FRY: variants seen among roughly 807,000 people sequenced by gnomAD.
The protein encoded by FRY is protein furry homolog.
In FRY, 128 loss-of-function variants were observed where a neutral mutation model predicts 348.4. That is an observed-to-expected ratio of 0.37 (90% CI 0.32 to 0.43). The LOEUF is 0.43. FRY is among the 20% of genes least tolerant of loss of function. The pLI is 1.00. For synonymous variants in FRY, 1,370 were observed against 1,374.7 expected (o/e 1.00, Z 0.08); for missense variants, 2,736 against 3,695.2 (o/e 0.74, Z 6.73).
intron 58 of FRY, among the ~76,000 whole-genome samples, chr13:32,288,899 GA>G (rs750058604): frequency 3.3e-5 from 5 of 152,144 alleles, no homozygotes; most frequent in African/African-American, 7.2e-5. Context: ...ACTGGCATTG[GA>G]ATTGTTATTT....
intron 28 of FRY, among the ~76,000 whole-genome samples, chr13:32,192,379 C>G (rs1050107127): frequency 8.7e-4 from 123 of 141,848 alleles, no homozygotes; most frequent in African/African-American, 3.0e-3. Flanking sequence ...GTGGCGCGAT[C>G]TCGGCTCACT....
At chr13:32,223,609 A>G (rs1262834383) in intron 36 of FRY, among the ~76,000 whole-genome samples, 5 of 152,140 alleles carry the variant, frequency 3.3e-5, no homozygotes. Context: ...GACCCCATCT[A>G]TTTAAAATAA....
chr13:32,227,450 C>T (rs768827614), intron 39 of FRY, among the ~76,000 whole-genome samples: 37 of 152,130 alleles, frequency 2.4e-4, no homozygotes, highest in Non-Finnish European at 4.4e-4. Context: ...GTATATCTAT[C>T]AGACACACAC....
intron 59 of FRY, among the ~76,000 whole-genome samples, chr13:32,290,158 T>A (rs1889264630): frequency 6.6e-6 from 1 of 152,214 alleles, no homozygotes; most frequent in Admixed American, 6.5e-5. Flanking sequence ...ATGTGTTTGG[T>A]TCTCTTCAGT....
chr13:32,282,305 C>T (rs1459739456), intron 58 of FRY, among the ~76,000 whole-genome samples: 1 of 152,166 alleles, frequency 6.6e-6, no homozygotes, highest in Non-Finnish European at 1.5e-5. Flanking sequence ...TGAGCACACC[C>T]TTGCCTGGGG....
chr13:32,086,991 G>C (rs1875913865), intron 2 of FRY, among the ~76,000 whole-genome samples: 1 of 152,146 alleles, frequency 6.6e-6, no homozygotes, highest in Non-Finnish European at 1.5e-5. Flanking sequence ...CACAGGTGTG[G>C]GCTGACAGAG....
chr13:32,166,211 A>T (rs927165307), intron 17 of FRY, among the ~76,000 whole-genome samples: 4 of 152,240 alleles, frequency 2.6e-5, no homozygotes. Context: ...AGCTAGCCAG[A>T]CATCTTCTCA....
At chr13:32,288,921 C>G (rs1036124007) in intron 58 of FRY, among the ~76,000 whole-genome samples, 1 of 152,182 alleles carries the variant, frequency 6.6e-6, no homozygotes, top group Non-Finnish European at 1.5e-5. Context: ...TTCCCTCATA[C>G]TATACATAAG....
At chr13:32,250,993 T>C (rs1263912393) in intron 49 of FRY, among the ~76,000 whole-genome samples, 6 of 152,210 alleles carry the variant, frequency 3.9e-5, no homozygotes, top group Admixed American at 1.3e-4. Flanking sequence ...AGACACCATA[T>C]TGAGTGTCTG....
Position 32,182,962 on chromosome 13 carries a change from CT to C in FRY, c.2997-10del. 4 of 1,570,208 alleles carry C rather than the reference CT, an allele frequency of 2.5e-6. No individual in the cohort carries two copies. Among genetic ancestry groups the C allele is most frequent in the Non-Finnish European group, 2.6e-6 (3 of 1,141,640 alleles). On this transcript the variant is annotated splice_polypyrimidine_tract_variant and intron_variant, in intron 23 of 60. Coordinates refer to ENST00000542859, the MANE Select transcript of FRY (RefSeq NM_023037.3). ...AAAAACAATGAATTTCAAATTTGAC[CT>C]TTTTCCTCCACAGAGAATTGGTAGA...
chr13:32,235,771 C>T (rs965834313), intron 42 of FRY, among the ~76,000 whole-genome samples: 2 of 152,170 alleles, frequency 1.3e-5, no homozygotes, highest in Non-Finnish European at 2.9e-5. Context: ...GGCTTTCAGA[C>T]ATTGCCACTC....
intron 2 of FRY, among the ~76,000 whole-genome samples, chr13:32,094,065 C>G (rs1420244557): frequency 6.6e-6 from 1 of 152,170 alleles, no homozygotes; most frequent in African/African-American, 2.4e-5. Context: ...ATTGTGTATT[C>G]TGTGCTAATT....
chr13:32,113,306 T>C (rs1366303615), intron 3 of FRY, among the ~76,000 whole-genome samples: 2 of 152,200 alleles, frequency 1.3e-5, no homozygotes, highest in Non-Finnish European at 2.9e-5. Context: ...GCCAGTCTTA[T>C]TACTATAAAA....
At position 32,068,452 on chromosome 13, in the gene FRY, C is replaced by A. The variant is rs559184847; in HGVS notation, c.71-10382C>A. On this transcript the variant is annotated intron_variant, in intron 1 of 60. Transcript: ENST00000542859. ...ATGTAACCTCATCTTCCTTTGCGCA[C>A]GGATCTTGGCAGACATTCTTTCAGG... is the stretch of plus-strand genomic sequence containing the variant. 6.6e-5 allele frequency among the ~76,000 whole-genome samples: 10 copies of A among 152,308 alleles called. No individual in the cohort carries two copies. In the South Asian group the frequency reaches 1.9e-3, roughly 28 times the overall value.
At chr13:32,145,841 G>A (rs1384855544) in intron 11 of FRY, among the ~76,000 whole-genome samples, 1 of 152,058 alleles carries the variant, frequency 6.6e-6, no homozygotes, top group Non-Finnish European at 1.5e-5. Flanking sequence ...ACCGCGCCCG[G>A]CCTCTGACTG....
chr13:32,207,405 T>C (rs1884418842), intron 31 of FRY, among the ~76,000 whole-genome samples: 1 of 152,314 alleles, frequency 6.6e-6, no homozygotes, highest in East Asian at 1.9e-4. Flanking sequence ...TGTCACTGTT[T>C]CCCTTGCCCC....
rs759700117 is a variant in FRY, at chr13:32,031,996, TTTCTC to T, written c.70+134_70+138del. 216 of 592,572 alleles carry T rather than the reference TTTCTC, an allele frequency of 3.6e-4. 3 individuals carry two copies. Among genetic ancestry groups the T allele is most frequent in the Middle Eastern group, 1.7e-3 (4 of 2,322 alleles). 36.7% of individuals were successfully genotyped at this position (592,572 alleles called of 1,614,324 possible). On this transcript the variant is annotated intron_variant, in intron 1 of 60. Transcript: ENST00000542859. ...TTTTTCTTTTTTTCTTTTCTTTTCTTTTCTCTTTCTTTCTTTCTTTCTTTCTTTTT... is the reference window on the plus strand; with the variant it reads ...TTTTTCTTTTTTTCTTTTCTTTTCTTTTTCTTTCTTTCTTTCTTTCTTTTT...
intron 55 of FRY, among the ~76,000 whole-genome samples, chr13:32,269,551 G>T (rs570655155): frequency 6.6e-6 from 1 of 152,168 alleles, no homozygotes; most frequent in East Asian, 1.9e-4. Context: ...TTAGCCAGGC[G>T]TGATGGGGCA....
rs59585678 is a variant in FRY at position 32,145,526 on chromosome 13, G to GTTTTTTTT, written c.1180-1734_1180-1727dup. ...CCACACTCCCCTCTCTGACTGATTT[G>GTTTTTTTT]TTTTTTTTTTTTTTTTTTTTTTTTT... On this transcript the variant is annotated intron_variant, in intron 11 of 60. Transcript: ENST00000542859. Among the ~76,000 whole-genome samples, 11 of 91,486 alleles carry GTTTTTTTT rather than the reference G, an allele frequency of 1.2e-4. 1 individual carries two copies. Among genetic ancestry groups the GTTTTTTTT allele is most frequent in the African/African-American group, 4.1e-4 (10 of 24,112 alleles). 60.0% of individuals were successfully genotyped at this position (91,486 alleles called of 152,430 possible).
Sources: allele counts gnomAD v4.1 joint callset (sites outside exome capture counted in the v4.1 genomes callset), GRCh38; gene constraint gnomAD v4.1.1; transcripts MANE v1.5; gene names NCBI Gene and HGNC (gene_info 2026-07-23, HGNC 2026-07-21).